The following THADA variants were observed in gnomAD, a reference collection of about 807,000 sequenced individuals.
THADA encodes tRNA (32-2'-O)-methyltransferase regulator THADA.
In THADA, 213 loss-of-function variants were observed where a neutral mutation model predicts 219.8. The observed-to-expected ratio is 0.97, with a 90% CI of 0.87 to 1.09. THADA has a LOEUF of 1.09. Ranked by LOEUF, THADA falls within the 50% of genes least tolerant of loss-of-function variation. The pLI, the probability that THADA is intolerant of heterozygous loss-of-function variation, is 0.00. For synonymous variants in THADA, 1,018 were observed against 828.9 expected (o/e 1.23, Z -3.92); for missense variants, 2,956 against 2,311.3 (o/e 1.28, Z -5.72).
chr2:43,344,594 G>C (rs1667426562), intron 29 of THADA, among the ~76,000 whole-genome samples: 1 of 152,170 alleles, frequency 6.6e-6, no homozygotes, highest in African/African-American at 2.4e-5. Flanking sequence ...AAAATAAAAT[G>C]TGCCTTTTAA....
chr2:43,432,699 T>C (rs1679525434), intron 26 of THADA, among the ~76,000 whole-genome samples: 1 of 152,222 alleles, frequency 6.6e-6, no homozygotes. Flanking sequence ...GTTTTGTTTT[T>C]CCTTCCTTTG....
At chr2:43,553,446 G>T (rs1360204925) in intron 17 of THADA, among the ~76,000 whole-genome samples, 1 of 152,154 alleles carries the variant, frequency 6.6e-6, no homozygotes, top group Non-Finnish European at 1.5e-5. Flanking sequence ...GCCAGAGCTT[G>T]CTCTCTCTTC....
intron 7 of THADA, among the ~76,000 whole-genome samples, chr2:43,585,577 T>TAGATAGATAGAAAGAA (rs1553505551): frequency 7.4e-6 from 1 of 135,212 alleles, no homozygotes; most frequent in African/African-American, 3.1e-5. Context: ...GATAGATAGA[T>TAGATAGATAGAAAGAA]AGAAAGAAAT....
intron 21 of THADA, among the ~76,000 whole-genome samples, chr2:43,531,341 G>C (rs1338771002): frequency 6.6e-6 from 1 of 152,206 alleles, no homozygotes; most frequent in African/African-American, 2.4e-5. Flanking sequence ...CACTAAATAA[G>C]TGCGTGCCAG....
intron 29 of THADA, among the ~76,000 whole-genome samples, chr2:43,373,097 T>C (rs899776737): frequency 2.0e-5 from 3 of 152,190 alleles, no homozygotes; most frequent in African/African-American, 4.8e-5. Context: ...GAAAATACTA[T>C]CACCATCACA....
chr2:43,346,369 C>A (rs2104544486), intron 29 of THADA, among the ~76,000 whole-genome samples: 1 of 152,268 alleles, frequency 6.6e-6, no homozygotes, highest in African/African-American at 2.4e-5. Flanking sequence ...AGGCCAGGCC[C>A]TTTGAAACTA....
At chr2:43,541,039 C>T in intron 21 of THADA, 120 bp downstream of exon 21, 1 of 978,078 alleles carries the variant, frequency 1.0e-6, no homozygotes, top group Non-Finnish European at 1.4e-6. Context: ...CTTCAGTTAA[C>T]ATTTGTATGA....
intron 29 of THADA, among the ~76,000 whole-genome samples, chr2:43,390,517 T>TA (rs901058989): frequency 2.6e-4 from 39 of 152,360 alleles, no homozygotes; most frequent in African/African-American, 9.4e-4. Flanking sequence ...CAATGACGAC[T>TA]ATTCTGACAT....
intron 29 of THADA, among the ~76,000 whole-genome samples, chr2:43,381,996 C>T (rs192134814): frequency 6.6e-6 from 1 of 152,212 alleles, no homozygotes; most frequent in African/African-American, 2.4e-5. Flanking sequence ...CCTAGTCCAA[C>T]CATTAAAAAA....
In THADA at chr2:43,548,283, G is replaced by A. The variant is rs554809022; in HGVS notation, c.3106+927C>T. Reference sequence around the variant, plus strand: ...GGTGTCAGTCTGCCCCTACTGGGGGGTGCCTCCCAGTTAGGCTGCTCAGGG... The same window carrying A: ...GGTGTCAGTCTGCCCCTACTGGGGGATGCCTCCCAGTTAGGCTGCTCAGGG... On this transcript the variant is annotated intron_variant, in intron 20 of 37. Coordinates refer to ENST00000405975, the MANE Select transcript of THADA (RefSeq NM_022065.5). Among the ~76,000 whole-genome samples the A allele has an allele frequency of 2.6e-5, 4 of 152,324 alleles. No homozygotes were observed. In the South Asian group the frequency reaches 8.3e-4, roughly 32 times the overall value.
intron 26 of THADA, among the ~76,000 whole-genome samples, chr2:43,437,097 G>C (rs1680219002): frequency 6.6e-6 from 1 of 152,130 alleles, no homozygotes; most frequent in African/African-American, 2.4e-5. Context: ...TGCTATAAGA[G>C]TCATTCAATT....
intron 35 of THADA, 94 bp downstream of exon 35, chr2:43,286,814 T>G (rs1674074790): frequency 7.0e-7 from 1 of 1,424,954 alleles, no homozygotes; most frequent in African/African-American, 1.4e-5. Flanking sequence ...AGGTGTCATG[T>G]TGCCATCTTT....
At chr2:43,291,808 A>C in intron 33 of THADA, 40 bp from the exon 34 acceptor site, 1 of 1,504,470 alleles carries the variant, frequency 6.6e-7, no homozygotes, top group Non-Finnish European at 9.0e-7. Flanking sequence ...ACAAAATTAC[A>C]ATCAGACATA....
chr2:43,437,741 T>C (rs1680303795), intron 26 of THADA, among the ~76,000 whole-genome samples: 1 of 152,188 alleles, frequency 6.6e-6, no homozygotes, highest in South Asian at 2.1e-4. Context: ...TTCAAGGATG[T>C]TTATATAATG....
At chr2:43,509,096 T>C (rs1196416205) in intron 22 of THADA, among the ~76,000 whole-genome samples, 4 of 152,224 alleles carry the variant, frequency 2.6e-5, no homozygotes, top group Non-Finnish European at 4.4e-5. Flanking sequence ...TTTCATACTA[T>C]ACAACTCAAG....
In THADA at chr2:43,231,002, G is replaced by A. The variant is rs1270716449; in HGVS notation, c.5808C>T (p.Asp1936=). 1.3e-5 allele frequency: 21 copies of A among 1,613,910 alleles called. No homozygotes were observed. The highest frequency in any genetic ancestry group is 1.7e-5 in the Non-Finnish European group (20 of 1,179,858). Residue 1936 remains aspartate, a synonymous_variant, in exon 38 of 38, where the codon GAC becomes GAT. Coordinates refer to ENST00000405975, the MANE Select transcript of THADA (RefSeq NM_022065.5). ...GEDTLVLSVW[D]SYAESRQLTL... is the part of the protein sequence containing the mutation. ...TTAACTGCCTCGATTCTGCATAAGAGTCCCAAACACTGAGAACTAGGGTGT... is the reference window on the plus strand; with the variant it reads ...TTAACTGCCTCGATTCTGCATAAGAATCCCAAACACTGAGAACTAGGGTGT...
intron 22 of THADA, among the ~76,000 whole-genome samples, chr2:43,521,210 G>C (rs1692432205): frequency 6.6e-6 from 1 of 151,506 alleles, no homozygotes; most frequent in African/African-American, 2.4e-5. Flanking sequence ...GAAGGAAAGA[G>C]GGCAGGAGGG....
chr2:43,294,518 G>A (rs577904792), intron 31 of THADA, among the ~76,000 whole-genome samples: 2 of 152,164 alleles, frequency 1.3e-5, no homozygotes, highest in African/African-American at 4.8e-5. Context: ...GGTGGGAAAG[G>A]GCAGGAGATG....
chr2:43,590,644 C>CA (rs768406325), intron 4 of THADA, among the ~76,000 whole-genome samples, 180 bp downstream of exon 4: 12,640 of 58,266 alleles, frequency 0.22, 966 homozygotes, highest in Non-Finnish European at 0.26. Flanking sequence ...GACTCCGTCT[C>CA]AAAAAAAAAA....
Sources: gnomAD v4.1 joint callset for allele counts (sites outside exome capture counted in the v4.1 genomes callset) on GRCh38, gnomAD v4.1.1 for gene constraint, MANE v1.5 for transcripts, NCBI Gene and HGNC (gene_info 2026-07-23, HGNC 2026-07-21) for gene names.